The following FKTN variants were observed in gnomAD, a reference collection of about 807,000 sequenced individuals.
FKTN encodes ribitol-5-phosphate transferase FKTN.
Under a neutral mutation model 58.6 loss-of-function variants are expected in FKTN, and 47 were observed. The ratio of observed to expected loss-of-function variants is 0.80; its 90% CI spans 0.63 to 1.02. The LOEUF is 1.02. Ranked by LOEUF, FKTN falls within the 50% of genes least tolerant of loss-of-function variation. FKTN has a pLI of 0.00. For missense variants in FKTN, 516 were observed against 537.3 expected, an observed-to-expected ratio of 0.96 and a Z score of 0.39; for synonymous variants, 178 against 191.9, an observed-to-expected ratio of 0.93 and a Z score of 0.60.
At chr9:105,577,479 A>T (rs1415245763) in intron 3 of FKTN, among the ~76,000 whole-genome samples, 1 of 146,602 alleles carries the variant, frequency 6.8e-6, no homozygotes, top group Admixed American at 6.7e-5. Context: ...AGATAGTTGT[A>T]GGTATGCGGC....
chr9:105,638,342 G>A lies in FKTN; in HGVS notation c.*3078G>A, dbSNP rs182923257. 80 of 985,386 alleles carry A rather than the reference G, an allele frequency of 8.1e-5. 1 individual carries two copies. In the African/African-American group the frequency reaches 1.3e-3, roughly 17 times the overall value. 61.0% of individuals were successfully genotyped at this position (985,386 alleles called of 1,614,324 possible). On this transcript the variant is annotated 3_prime_UTR_variant, in exon 11 of 11. Coordinates refer to ENST00000357998, the MANE Select transcript of FKTN (RefSeq NM_001079802.2). Reference sequence around the variant, plus strand: ...CCTAAGGCGACAGAGAGGTCAAGGGGAAGTATTTTCTAGTTCAGAATTCAG... The same window carrying A: ...CCTAAGGCGACAGAGAGGTCAAGGGAAAGTATTTTCTAGTTCAGAATTCAG...
At chr9:105,589,349 T>A (rs934876696) in intron 3 of FKTN, among the ~76,000 whole-genome samples, 3 of 152,052 alleles carry the variant, frequency 2.0e-5, no homozygotes, top group South Asian at 4.2e-4. Flanking sequence ...AATACCAAAA[T>A]TAGCTGGGTG....
chr9:105,626,981 C>CTTTTTTTTTTTTTTTTTT (rs60710867), intron 10 of FKTN, among the ~76,000 whole-genome samples: 1 of 128,032 alleles, frequency 7.8e-6, no homozygotes, highest in African/African-American at 3.0e-5. Flanking sequence ...CTTCTTTATT[C>CTTTTTTTTTTTTTTTTTT]TTTTTTTTTT....
chr9:105,582,308 A>T (rs531251157), intron 3 of FKTN, among the ~76,000 whole-genome samples: 1 of 152,224 alleles, frequency 6.6e-6, no homozygotes, highest in East Asian at 1.9e-4. Context: ...CTCCTGCCTC[A>T]ATCTCCTGAG....
At chr9:105,591,102 G>A (rs1356249791) in intron 3 of FKTN, among the ~76,000 whole-genome samples, 1 of 152,118 alleles carries the variant, frequency 6.6e-6, no homozygotes, top group Admixed American at 6.5e-5. Context: ...CCTCCCACCA[G>A]GCCCCATTTC....
Position 105,635,131 on chromosome 9 carries a change from A to T in FKTN, c.1253A>T (p.Tyr418Phe). The T allele has an allele frequency of 6.2e-7, 1 of 1,614,154 alleles. No homozygotes were observed. Among genetic ancestry groups the T allele is most frequent in the South Asian group, 1.1e-5 (1 of 91,080 alleles). ...CATGTACCCTGTGAAACCCTCGAAT[A>T]CATTGAAGCCAACTATGGTAAGACC... ...KVHVPCETLE[Y>F]IEANYGKTWK... is the part of the protein sequence containing the mutation. The change falls in exon 11 of 11, where the codon TAC becomes TTC. Residue 418 changes from tyrosine (Y) to phenylalanine (F), a missense_variant. Tyr to Phe is a conservative substitution (Grantham distance 22). Transcript: ENST00000357998.
At chr9:105,604,707 C>A (rs1180424920) in intron 6 of FKTN, among the ~76,000 whole-genome samples, 3 of 152,062 alleles carry the variant, frequency 2.0e-5, no homozygotes, top group Non-Finnish European at 4.4e-5. Context: ...GTAATCCCAG[C>A]ACTTTGGGAG....
intron 3 of FKTN, among the ~76,000 whole-genome samples, chr9:105,591,903 T>C (rs1393832259): frequency 1.3e-5 from 2 of 152,234 alleles, no homozygotes; most frequent in Non-Finnish European, 2.9e-5. Flanking sequence ...GTGCACCTGC[T>C]TACAGCTTGC....
chr9:105,600,293 T>C (rs1827645492), intron 4 of FKTN, among the ~76,000 whole-genome samples: 1 of 152,216 alleles, frequency 6.6e-6, no homozygotes, highest in South Asian at 2.1e-4. Context: ...TATATATTTT[T>C]ATGAGTTCCT....
chr9:105,603,110 T>C (rs1411422374), intron 5 of FKTN, among the ~76,000 whole-genome samples: 2 of 152,222 alleles, frequency 1.3e-5, no homozygotes, highest in Non-Finnish European at 2.9e-5. Flanking sequence ...TTGATGGTTA[T>C]AAGAAAGCAA....
chr9:105,595,583 C>T (rs1826627982), intron 3 of FKTN, among the ~76,000 whole-genome samples: 1 of 152,150 alleles, frequency 6.6e-6, no homozygotes, highest in South Asian at 2.1e-4. Context: ...GAGACCAATT[C>T]TGGCTCAGTC....
chr9:105,610,119 C>T (rs937052543), intron 7 of FKTN, among the ~76,000 whole-genome samples: 13 of 151,976 alleles, frequency 8.6e-5, no homozygotes, highest in South Asian at 2.1e-4. Context: ...GACTTGTCTC[C>T]GTTGTTTTTT....
intron 6 of FKTN, 55 bp downstream of exon 6, chr9:105,604,547 C>T: frequency 7.1e-7 from 1 of 1,406,604 alleles, no homozygotes. Flanking sequence ...AGTCATAATT[C>T]TTGCAGTGTT....
In FKTN at chr9:105,575,259, G is replaced by C. The variant is rs974922723; in HGVS notation, c.105+122G>C. On this transcript the variant is annotated intron_variant, in intron 3 of 10. Coordinates refer to ENST00000357998, the MANE Select transcript of FKTN (RefSeq NM_001079802.2). ...TATTCAAATTCTTGCATCTTTGCGA[G>C]GTGTGGCAAACAATTAAAAATTCAG... is the stretch of plus-strand genomic sequence containing the variant. 10 of 695,944 alleles carry C rather than the reference G, an allele frequency of 1.4e-5. No homozygotes were observed. In the East Asian group the frequency reaches 2.7e-4, roughly 19 times the overall value. The allele number at this position is 695,944 out of a possible 1,614,324, so 43.1% of individuals were successfully genotyped here.
At chr9:105,615,510 A>C in intron 8 of FKTN, 103 bp downstream of exon 8, 1 of 1,101,540 alleles carries the variant, frequency 9.1e-7, no homozygotes, top group East Asian at 2.4e-5. Flanking sequence ...TTGAAGTGTC[A>C]TGTGTATAGA....
At position 105,620,049 on chromosome 9, in the gene FKTN, GAAA is replaced by G; in HGVS notation, c.1165_1167del (p.Lys389del). 1 of 1,611,376 alleles carries G rather than the reference GAAA, an allele frequency of 6.2e-7. No homozygotes were observed. Among genetic ancestry groups the G allele is most frequent in the Non-Finnish European group, 8.5e-7 (1 of 1,178,352 alleles). On this transcript the variant is annotated inframe_deletion, in exon 10 of 11. Coordinates refer to ENST00000357998, the MANE Select transcript of FKTN (RefSeq NM_001079802.2). ...AATGGAGGCACTCAGGCCAAAACAG[GAAA>G]AAAATTCAAGTATGAATCAAATAAG...
At chr9:105,591,777 A>G (rs1844922254) in intron 3 of FKTN, among the ~76,000 whole-genome samples, 1 of 152,088 alleles carries the variant, frequency 6.6e-6, no homozygotes, top group Non-Finnish European at 1.5e-5. Context: ...ACACTATTCT[A>G]GTAGAGTTCT....
chr9:105,621,391 G>A (rs1357216359), intron 10 of FKTN, among the ~76,000 whole-genome samples: 1 of 151,884 alleles, frequency 6.6e-6, no homozygotes, highest in Non-Finnish European at 1.5e-5. Flanking sequence ...TATTCCTTGG[G>A]GATGAAGAAA....
rs1834147527 is a variant in FKTN, at chr9:105,637,827, C to T, written c.*2563C>T. The stretch of plus-strand genomic sequence containing the variant: ...TCCTCTCTAAGCAGGGAGCACTTGT[C>T]CTTCTCTCCTCTGCTGCAGCTACTG... On this transcript the variant is annotated 3_prime_UTR_variant, in exon 11 of 11. Coordinates refer to ENST00000357998, the MANE Select transcript of FKTN (RefSeq NM_001079802.2). 16 of 985,234 alleles carry T rather than the reference C, an allele frequency of 1.6e-5. No homozygotes were observed. The highest frequency in any genetic ancestry group is 1.8e-5 in the Non-Finnish European group (15 of 829,922). 61.0% of individuals were successfully genotyped at this position (985,234 alleles called of 1,614,324 possible).
Sources: gnomAD v4.1 joint callset for allele counts (sites outside exome capture counted in the v4.1 genomes callset) on GRCh38, gnomAD v4.1.1 for gene constraint, MANE v1.5 for transcripts, NCBI Gene and HGNC (gene_info 2026-07-23, HGNC 2026-07-21) for gene names.